Variants in NCKAP5L observed in about 807,000 individuals in gnomAD.
The protein encoded by NCKAP5L is nck-associated protein 5-like.
A neutral mutation model predicts 103.2 loss-of-function variants in NCKAP5L; 54 were observed. The ratio of observed to expected loss-of-function variants is 0.52; its 90% CI spans 0.42 to 0.66. The LOEUF is 0.66. Among genes scored for constraint, NCKAP5L ranks in the 30% least tolerant of loss-of-function variants. The pLI is 0.00. For synonymous variants in NCKAP5L, 762 were observed against 748.6 expected (o/e 1.02, Z -0.29); for missense variants, 1,733 against 1,750.6 (o/e 0.99, Z 0.18).
rs992447480 is a variant in NCKAP5L at position 49,795,268 on chromosome 12, T to C, written c.2592A>G (p.Val864=). The change falls in exon 8 of 13, where the codon GTA becomes GTG. Residue 864 remains valine, a synonymous_variant. Transcript: ENST00000335999. The part of the protein sequence containing the change: ...GSTTAQSTPL[V]PGPTDPSQGP... Reference sequence around the variant, plus strand: ...CCTGACTTGGGTCAGTGGGGCCAGGTACTAGGGGTGTGGACTGGGCCGTGG... The same window carrying C: ...CCTGACTTGGGTCAGTGGGGCCAGGCACTAGGGGTGTGGACTGGGCCGTGG... 5.2e-6 allele frequency: 8 copies of C among 1,540,658 alleles called. No homozygotes were observed. The highest frequency in any genetic ancestry group is 1.3e-5 in the South Asian group (1 of 78,588).
rs553758848 is a variant in NCKAP5L, at chr12:49,806,774, CTT to C, written c.-98-735_-98-734del. Among the ~76,000 whole-genome samples, 14 of 152,346 alleles carry C rather than the reference CTT, an allele frequency of 9.2e-5. No individual in the cohort carries two copies. In the East Asian group the frequency reaches 2.7e-3, roughly 29 times the overall value. ...CCTAAGGCTCCCTGGAGGCTAGAAA[CTT>C]GGGCTAGAAATCTGACACTAAAGAA... is the stretch of plus-strand genomic sequence containing the variant. On this transcript the variant is annotated intron_variant, in intron 1 of 12. Coordinates refer to ENST00000335999, the MANE Select transcript of NCKAP5L (RefSeq NM_001037806.4).
At chr12:49,821,561 T>C (rs1203175735) in intron 1 of NCKAP5L, among the ~76,000 whole-genome samples, 1 of 152,252 alleles carries the variant, frequency 6.6e-6, no homozygotes, top group African/African-American at 2.4e-5. Flanking sequence ...GCTCCCAGCA[T>C]GTGTGCCATG....
rs768113265 is a variant in NCKAP5L at position 49,796,622 on chromosome 12, C to T, written c.1238G>A (p.Gly413Glu). The T allele has an allele frequency of 1.3e-6, 2 of 1,597,134 alleles. No individual in the cohort carries two copies. Among genetic ancestry groups the T allele is most frequent in the African/African-American group, 2.7e-5 (2 of 74,196 alleles). ...LPFLSMFMGA[G>E]DAPLGSRPGH... ...AGGCCGAGAGCCCAGTGGGGCATCC[C>T]CAGCACCCATGAACATGCTAAGGAA... Residue 413 changes from glycine (G) to glutamate (E), a missense_variant, in exon 8 of 13, where the codon GGG becomes GAG. By Grantham distance (98) the Gly-to-Glu change is moderately conservative. Coordinates refer to ENST00000335999, the MANE Select transcript of NCKAP5L (RefSeq NM_001037806.4).
intron 1 of NCKAP5L, among the ~76,000 whole-genome samples, chr12:49,806,527 A>C (rs942088242): frequency 6.6e-6 from 1 of 152,264 alleles, no homozygotes; most frequent in Non-Finnish European, 1.5e-5. Context: ...TGAATAGCAC[A>C]GGCGCTTTCT....
In NCKAP5L at chr12:49,798,333, A is replaced by G. The variant is rs1339913059; in HGVS notation, c.465+17T>C. The G allele has an allele frequency of 1.9e-6, 3 of 1,541,740 alleles. No homozygotes were observed. The highest frequency in any genetic ancestry group is 4.9e-5 in the East Asian group (2 of 41,036). The stretch of plus-strand genomic sequence containing the variant: ...AAACATCAGTGGAGTACTGACCACA[A>G]TACCTAGCCCTCCTACCTCTCTCTG... On this transcript the variant is annotated intron_variant, in intron 7 of 12. Coordinates refer to ENST00000335999, the MANE Select transcript of NCKAP5L (RefSeq NM_001037806.4).
At chr12:49,804,190 T>A in intron 2 of NCKAP5L, 110 bp from the exon 3 acceptor site, 6 of 1,059,628 alleles carry the variant, frequency 5.7e-6, no homozygotes, top group Non-Finnish European at 7.9e-6. Context: ...CTGTAATAAC[T>A]CAGGGCCAGG....
Position 49,793,743 on chromosome 12 carries a change from A to T in NCKAP5L, c.3249T>A (p.Pro1083=). The T allele has an allele frequency of 6.4e-7, 1 of 1,556,162 alleles. No homozygotes were observed. Among genetic ancestry groups the T allele is most frequent in the Non-Finnish European group, 8.7e-7 (1 of 1,151,692 alleles). ...LVGPLQGCGK[P]PGKPSSEPGR... ...TACCCCAAGAACTTACCTTTCCAGG[A>T]GGTTTTCCGCAGCCCTGAAGAGGGC... Residue 1083 remains proline, a synonymous_variant, in exon 9 of 13, where the codon CCT becomes CCA. Coordinates refer to ENST00000335999, the MANE Select transcript of NCKAP5L (RefSeq NM_001037806.4).
chr12:49,795,848 A>G lies in NCKAP5L; in HGVS notation c.2012T>C (p.Leu671Pro). ...LRDRLAALGKLKTGPEGALGS... is the reference protein window; with the variant it reads ...LRDRLAALGKPKTGPEGALGS... The stretch of plus-strand genomic sequence containing the variant: ...CAGGGCCCCCTCGGGGCCTGTCTTC[A>G]GCTTCCCCAGGGCCGCCAGTCTGTC... The change falls in exon 8 of 13, where the codon CTG (leucine) becomes CCG (proline). Residue 671 changes from leucine to proline, a missense_variant. Transcript: ENST00000335999. 6.4e-7 allele frequency: 1 copy of G among 1,566,948 alleles called. No homozygotes were observed. Among genetic ancestry groups the G allele is most frequent in the South Asian group, 1.2e-5 (1 of 85,552 alleles).
chr12:49,819,054 C>T (rs1459400960), intron 1 of NCKAP5L, among the ~76,000 whole-genome samples: 1 of 150,074 alleles, frequency 6.7e-6, no homozygotes, highest in Non-Finnish European at 1.5e-5. Context: ...AAAAAAAGGC[C>T]GGGTGCAGTG....
chr12:49,795,836 G>T lies in NCKAP5L; in HGVS notation c.2024C>A (p.Pro675His). ...CTTCTCTGAGCCCAGGGCCCCCTCG[G>T]GGCCTGTCTTCAGCTTCCCCAGGGC... ...LAALGKLKTG[P>H]EGALGSEKNG... Residue 675 changes from proline to histidine, a missense_variant, in exon 8 of 13, where the codon CCC becomes CAC. Transcript: ENST00000335999. The T allele has an allele frequency of 1.3e-6, 2 of 1,566,918 alleles. No individual in the cohort carries two copies. The highest frequency in any genetic ancestry group is 1.9e-5 in the Admixed American group (1 of 51,870).
Position 49,796,357 on chromosome 12 carries a change from C to A in NCKAP5L, c.1503G>T (p.Leu501Phe). Residue 501 changes from leucine (L) to phenylalanine (F), a missense_variant, in exon 8 of 13, where the codon TTG (leucine) becomes TTT (phenylalanine). Transcript: ENST00000335999. ...SGSDGSPSPL[L>F]ARRGLGGGEL... ...CTCCTCCACCCAGACCCCTTCGGGC[C>A]AACAGTGGGGAGGGGCTGCCGTCTG... 6.4e-7 allele frequency: 1 copy of A among 1,571,220 alleles called. No homozygotes were observed. The highest frequency in any genetic ancestry group is 2.3e-5 in the East Asian group (1 of 44,326).
At chr12:49,826,114 C>CCTTGCCAGTACCCCAGTGGGGTA (rs1287738007) in intron 1 of NCKAP5L, among the ~76,000 whole-genome samples, 2 of 151,602 alleles carry the variant, frequency 1.3e-5, no homozygotes, top group East Asian at 3.9e-4. Context: ...TTGCCTGGGA[C>CCTTGCCAGTACCCCAGTGGGGTA]CTGGGGGTGT....
Position 49,801,990 on chromosome 12 carries a change from C to T in NCKAP5L, c.232-23G>A, listed in dbSNP as rs768867403. Reference sequence around the variant, plus strand: ...GTCCTGCCGCCCACCCCGGGAAGTGCAGGAAGAAGAGGTGAGGATGGTGGG... The same window carrying T: ...GTCCTGCCGCCCACCCCGGGAAGTGTAGGAAGAAGAGGTGAGGATGGTGGG... On this transcript the variant is annotated intron_variant, in intron 5 of 12. Coordinates refer to ENST00000335999, the MANE Select transcript of NCKAP5L (RefSeq NM_001037806.4). 62 of 1,612,514 alleles carry T rather than the reference C, an allele frequency of 3.8e-5. 1 individual carries two copies. Among genetic ancestry groups the T allele is most frequent in the Non-Finnish European group, 3.3e-5 (39 of 1,179,506 alleles).
chr12:49,803,282 C>T (rs756443562), intron 3 of NCKAP5L, 117 bp from the exon 4 acceptor site: 16 of 932,356 alleles, frequency 1.7e-5, no homozygotes, highest in South Asian at 3.1e-5. Flanking sequence ...TATACCCCCA[C>T]TCCAGCTCTT....
chr12:49,797,364 C>T lies in NCKAP5L; in HGVS notation c.496G>A (p.Gly166Ser), dbSNP rs1013429297. ...VCWEQQLRPG[G>S]PGPPAAPPPA... ...GGTGGGGCGGCTGGGGGGCCTGGGC[C>T]TCCTGGCCTCAGCTGCTGCTCCCAA... The change falls in exon 8 of 13, where the codon GGC becomes AGC. Residue 166 changes from glycine to serine, a missense_variant. By Grantham distance (56) the Gly-to-Ser change is moderately conservative. Transcript: ENST00000335999. This position sits in a 1 kb window ranked among gnomAD's most constrained non-coding sequence, Gnocchi z 4.5. The T allele has an allele frequency of 1.2e-6, 2 of 1,609,436 alleles. No individual in the cohort carries two copies. The highest frequency in any genetic ancestry group is 1.7e-6 in the Non-Finnish European group (2 of 1,178,638).
Position 49,797,045 on chromosome 12 carries a change from C to T in NCKAP5L, c.815G>A (p.Arg272Gln), listed in dbSNP as rs758479481. Reference protein sequence around the residue: ...GGLGGEEDTGRPWGPSRGPPQ... With the variant: ...GGLGGEEDTGQPWGPSRGPPQ... ...AGGTCCCCTGCTAGGACCCCAGGGC[C>T]GCCCAGTGTCCTCTTCCCCTCCCAG... Residue 272 changes from arginine to glutamine, a missense_variant, in exon 8 of 13, where the codon CGG becomes CAG. Transcript: ENST00000335999. This position sits in a 1 kb window ranked among gnomAD's most constrained non-coding sequence, Gnocchi z 4.5. The T allele has an allele frequency of 1.1e-5, 18 of 1,572,388 alleles. No homozygotes were observed. Among genetic ancestry groups the T allele is most frequent in the Middle Eastern group, 3.5e-4 (2 of 5,720 alleles).
chr12:49,811,070 T>C (rs1469909942), intron 1 of NCKAP5L, among the ~76,000 whole-genome samples: 1 of 152,208 alleles, frequency 6.6e-6, no homozygotes, highest in African/African-American at 2.4e-5. Flanking sequence ...GGAACTGAAT[T>C]TTACATTTAA....
rs1227577145 is a variant in NCKAP5L, at chr12:49,793,413, C to T, written c.3279G>A (p.Arg1093=). ...PPGKPSSEPG[R]REEMPSEDSL... ...TGTCCTCCGAGGGCATCTCTTCCCG[C>T]CTCCCTGGCTCGCTGCTCGGCTGTG... The change falls in exon 10 of 13, where the codon AGG becomes AGA. Residue 1093 remains arginine (R), a synonymous_variant. Coordinates refer to ENST00000335999, the MANE Select transcript of NCKAP5L (RefSeq NM_001037806.4). The T allele has an allele frequency of 6.2e-7, 1 of 1,609,538 alleles. No homozygotes were observed. Among genetic ancestry groups the T allele is most frequent in the South Asian group, 1.1e-5 (1 of 91,080 alleles).
At chr12:49,816,516 A>AAAAAAAAAC (rs1946298625) in intron 1 of NCKAP5L, among the ~76,000 whole-genome samples, 1 of 151,040 alleles carries the variant, frequency 6.6e-6, no homozygotes, top group African/African-American at 2.4e-5. Flanking sequence ...AAAAAAAAAA[A>AAAAAAAAAC]AGGCTGGACG....
Sources: allele counts gnomAD v4.1 joint callset (sites outside exome capture counted in the v4.1 genomes callset), GRCh38; gene constraint gnomAD v4.1.1; non-coding constraint Gnocchi (gnomAD v3.1); transcripts MANE v1.5; gene names NCBI Gene and HGNC (gene_info 2026-07-23, HGNC 2026-07-21).